Variants in MYH11 observed in about 807,000 individuals in gnomAD.
The protein encoded by MYH11 is myosin-11.
MYH11 carries 80 observed loss-of-function variants against 246.6 expected under a neutral mutation model. The observed-to-expected ratio is 0.32, with a 90% confidence interval of 0.27 to 0.39. The LOEUF (loss-of-function observed/expected upper bound fraction) is 0.39, where lower values mean the gene tolerates loss of function less well. MYH11 is among the 10% of genes least tolerant of loss of function. The pLI, the probability that MYH11 is intolerant of heterozygous loss-of-function variation, is 1.00. For missense variants in MYH11, 2,158 were observed against 2,546.8 expected (o/e 0.85, Z 3.29); for synonymous variants, 1,071 against 1,015.5 (o/e 1.05, Z -1.04).
intron 14 of MYH11, among the ~76,000 whole-genome samples, chr16:15,754,906 A>T (rs1226861029): frequency 6.6e-6 from 1 of 152,150 alleles, no homozygotes; most frequent in African/African-American, 2.4e-5. Context: ...GGCTGGTCTC[A>T]AACTGCTGAC....
intron 11 of MYH11, among the ~76,000 whole-genome samples, chr16:15,760,047 C>T (rs768831026): frequency 6.6e-6 from 1 of 151,970 alleles, no homozygotes; most frequent in African/African-American, 2.4e-5. Context: ...CAGTGAGCTG[C>T]GATGGCACCA....
intron 38 of MYH11, 135 bp downstream of exon 38, chr16:15,717,005 C>A (rs2040187845): frequency 7.1e-6 from 7 of 979,670 alleles, no homozygotes; most frequent in South Asian, 2.6e-5. Flanking sequence ...TCACAACATA[C>A]CTGCACTGTA....
At chr16:15,826,996 CAAAAAAAAAAAAAAA>C (rs10573425) in intron 2 of MYH11, among the ~76,000 whole-genome samples, 3 of 57,982 alleles carry the variant, frequency 5.2e-5, no homozygotes, top group South Asian at 6.9e-4. Context: ...GAACCCATCT[CAAAAAAAAAAAAAAA>C]AAAAAAAAAA....
chr16:15,806,169 C>T (rs562022977), intron 3 of MYH11, among the ~76,000 whole-genome samples: 58 of 150,358 alleles, frequency 3.9e-4, no homozygotes, highest in Admixed American at 1.6e-3. Context: ...CCCAGCTACT[C>T]GGGAGGCTGA....
intron 19 of MYH11, among the ~76,000 whole-genome samples, chr16:15,746,906 G>A (rs1013092322): frequency 6.6e-6 from 1 of 152,136 alleles, no homozygotes; most frequent in Non-Finnish European, 1.5e-5. Flanking sequence ...TGGCCAACAT[G>A]GTGAAACTTT....
intron 2 of MYH11, among the ~76,000 whole-genome samples, chr16:15,829,169 T>C (rs1352734321): frequency 6.7e-6 from 1 of 149,042 alleles, no homozygotes; most frequent in African/African-American, 2.5e-5. Context: ...GGTGACAAAG[T>C]GAGACTGTCT....
intron 3 of MYH11, among the ~76,000 whole-genome samples, chr16:15,818,198 C>T (rs1194701619): frequency 2.0e-5 from 3 of 152,280 alleles, no homozygotes; most frequent in African/African-American, 4.8e-5. Context: ...AGGAAGAAGC[C>T]ACATGTGCTA....
chr16:15,728,593 C>T (rs1324460392), intron 27 of MYH11, among the ~76,000 whole-genome samples: 1 of 151,772 alleles, frequency 6.6e-6, no homozygotes, highest in Non-Finnish European at 1.5e-5. Context: ...GTGAGTTGCC[C>T]TACAGGAAAA....
chr16:15,715,092 G>C lies in MYH11; in HGVS notation c.5614-11C>G, dbSNP rs1316462158. 6.2e-7 allele frequency: 1 copy of C among 1,611,992 alleles called. No individual in the cohort carries two copies. Among genetic ancestry groups the C allele is most frequent in the South Asian group, 1.1e-5 (1 of 91,078 alleles). On this transcript the variant is annotated splice_polypyrimidine_tract_variant and intron_variant, in intron 39 of 40. Transcript: ENST00000300036. ...ATTGCCTTTCTCTGCCTGTCGCGGAGAGTTGGAGGGGTGGTTAGGGGAGGC... is the reference window on the plus strand; with the variant it reads ...ATTGCCTTTCTCTGCCTGTCGCGGACAGTTGGAGGGGTGGTTAGGGGAGGC...
intron 8 of MYH11, among the ~76,000 whole-genome samples, chr16:15,772,220 T>C (rs765595003): frequency 8.6e-5 from 13 of 150,396 alleles, no homozygotes; most frequent in Non-Finnish European, 1.9e-4. Context: ...ACCTCCTGAG[T>C]AGCTGGGATT....
At chr16:15,765,704 A>G (rs952014424) in intron 9 of MYH11, among the ~76,000 whole-genome samples, 7 of 152,158 alleles carry the variant, frequency 4.6e-5, no homozygotes, top group African/African-American at 1.4e-4. Flanking sequence ...GCTCAGCAAA[A>G]GGACCCAGCT....
intron 15 of MYH11, among the ~76,000 whole-genome samples, chr16:15,753,184 C>A (rs1032108634): frequency 6.6e-6 from 1 of 152,106 alleles, no homozygotes; most frequent in Non-Finnish European, 1.5e-5. Flanking sequence ...ACCTCAATCC[C>A]CTCGGGACAT....
chr16:15,830,988 A>G (rs1356218251), intron 2 of MYH11, among the ~76,000 whole-genome samples: 1 of 152,184 alleles, frequency 6.6e-6, no homozygotes, highest in Non-Finnish European at 1.5e-5. Context: ...CCTGGCCAAC[A>G]TGGCAAAACC....
rs917804462 is a variant in MYH11, at chr16:15,838,175, G to A, written c.78C>T (p.Ala26=). 1 of 1,614,090 alleles carries A rather than the reference G, an allele frequency of 6.2e-7. No homozygotes were observed. Among genetic ancestry groups the A allele is most frequent in the Middle Eastern group, 1.6e-4 (1 of 6,062 alleles). ...VDKNFINSPV[A]QADWAAKRLV... is the part of the protein sequence containing the mutation. ...GTCTCTTGGCGGCCCAGTCAGCCTG[G>A]GCCACTGGGCTGTTGATGAAGTTTT... Residue 26 remains alanine (A), a synonymous_variant, in exon 2 of 41, where the codon GCC becomes GCT. Coordinates refer to ENST00000300036, the MANE Select transcript of MYH11 (RefSeq NM_002474.3).
At chr16:15,809,035 G>T (rs765794800) in intron 3 of MYH11, among the ~76,000 whole-genome samples, 8 of 152,072 alleles carry the variant, frequency 5.3e-5, no homozygotes, top group Non-Finnish European at 4.4e-5. Flanking sequence ...AGCCCCAGCA[G>T]CCTCATAGAA....
At chr16:15,711,702 T>G (rs2039805469) in intron 40 of MYH11, among the ~76,000 whole-genome samples, 1 of 151,508 alleles carries the variant, frequency 6.6e-6, no homozygotes, top group East Asian at 1.9e-4. Flanking sequence ...CACTGGAGAT[T>G]TTTTTTTTGA....
rs1428003729 is a variant in MYH11, at chr16:15,717,984, T to C, written c.5295+331A>G. 3.1e-5 allele frequency: 13 copies of C among 421,122 alleles called. No individual in the cohort carries two copies. The Admixed American group carries it at 4.6e-4, about 15-fold the overall frequency. The allele number at this position is 421,122 out of a possible 1,614,324, so 26.1% of individuals were successfully genotyped here. A position where few individuals can be genotyped will look rare whatever the true frequency, so the allele number is the denominator to read the frequency against. On this transcript the variant is annotated intron_variant, in intron 37 of 40. Transcript: ENST00000300036. ...AGTGCTCAGTGACATCACCAAGGGC[T>C]CACTGGATAAGGTCAGAGCTTCAGC...
intron 25 of MYH11, among the ~76,000 whole-genome samples, chr16:15,736,154 C>T (rs1346403824): frequency 6.6e-5 from 10 of 152,154 alleles, no homozygotes; most frequent in Admixed American, 6.5e-4. Flanking sequence ...TGTGAAAGGG[C>T]AGCAACAAGA....
At chr16:15,721,246 C>T (rs2040461710) in intron 32 of MYH11, 176 bp downstream of exon 32, 7 of 941,866 alleles carry the variant, frequency 7.4e-6, no homozygotes, top group Admixed American at 2.0e-5. Flanking sequence ...TCAGACCCAT[C>T]CTCGACTGCC....
Sources: gnomAD v4.1 joint callset for allele counts (sites outside exome capture counted in the v4.1 genomes callset) on GRCh38, gnomAD v4.1.1 for gene constraint, MANE v1.5 for transcripts, NCBI Gene and HGNC (gene_info 2026-07-23, HGNC 2026-07-21) for gene names.